Variants in CDC5L observed in about 807,000 individuals in gnomAD.
CDC5L encodes the protein cell division cycle 5-like protein.
A neutral mutation model predicts 104.1 loss-of-function variants in CDC5L; 18 were observed. The ratio of observed to expected loss-of-function variants is 0.17; its 90% CI spans 0.12 to 0.26. The LOEUF (loss-of-function observed/expected upper bound fraction) is 0.26, where lower values mean the gene tolerates loss of function less well. Ranked by LOEUF, CDC5L falls within the 10% of genes least tolerant of loss-of-function variation. The probability of loss-of-function intolerance (pLI) is 1.00; values close to 1 mark genes in which losing one functional copy is unlikely to be tolerated. For missense variants in CDC5L, 673 were observed against 956.9 expected (o/e 0.70, Z 3.91); for synonymous variants, 331 against 322.7 (o/e 1.03, Z -0.28).
chr6:44,425,808 T>C (rs973159592), intron 11 of CDC5L, among the ~76,000 whole-genome samples: 1 of 151,932 alleles, frequency 6.6e-6, no homozygotes, highest in Non-Finnish European at 1.5e-5. Context: ...CGTGGGAGTC[T>C]CTTTGGAGTT....
intron 8 of CDC5L, among the ~76,000 whole-genome samples, chr6:44,415,264 C>T (rs569509169): frequency 8.1e-4 from 124 of 152,178 alleles, no homozygotes; most frequent in South Asian, 2.5e-3. Flanking sequence ...TAACTGGGAG[C>T]GTAGTAGTTA....
In CDC5L at chr6:44,398,731, G is replaced by A. The variant is rs371521862; in HGVS notation, c.539+2291G>A. Among the ~76,000 whole-genome samples, 7 of 152,254 alleles carry A rather than the reference G, an allele frequency of 4.6e-5. No individual in the cohort carries two copies. The East Asian group carries it at 9.6e-4, about 21-fold the overall frequency. On this transcript the variant is annotated intron_variant, in intron 5 of 15. Transcript: ENST00000371477. ...CATTATTGTGTAAAGGTTTTCTAATGTGGATTGAAGTCCTTATTTCCATTA... is the reference window on the plus strand; with the variant it reads ...CATTATTGTGTAAAGGTTTTCTAATATGGATTGAAGTCCTTATTTCCATTA...
At chr6:44,403,763 T>G (rs1297045828) in intron 5 of CDC5L, 46 bp from the exon 6 acceptor site, 2 of 1,320,584 alleles carry the variant, frequency 1.5e-6, no homozygotes, top group African/African-American at 1.5e-5. Flanking sequence ...AATTTATCCC[T>G]GTCACATGGC....
At chr6:44,428,706 C>T (rs1172507199) in intron 13 of CDC5L, among the ~76,000 whole-genome samples, 1 of 152,190 alleles carries the variant, frequency 6.6e-6, no homozygotes, top group African/African-American at 2.4e-5. Flanking sequence ...GTCCAGCTTT[C>T]CCTCTCATTC....
intron 8 of CDC5L, 117 bp downstream of exon 8, chr6:44,408,749 A>G: frequency 1.7e-6 from 1 of 599,946 alleles, no homozygotes; most frequent in East Asian, 2.9e-5. Context: ...TTTGAAACTG[A>G]GTCCTGAATG....
chr6:44,430,502 C>G (rs1561978169), intron 14 of CDC5L, among the ~76,000 whole-genome samples: 1 of 149,434 alleles, frequency 6.7e-6, no homozygotes, highest in East Asian at 2.0e-4. Flanking sequence ...ATTTTGAATT[C>G]CAGAATCTGT....
Position 44,426,627 on chromosome 6 carries a change from A to G in CDC5L, c.1796A>G (p.Lys599Arg). The change falls in exon 13 of 16, where the codon AAA becomes AGA. Residue 599 changes from lysine (K) to arginine (R), a missense_variant. Around this residue, in one of 4 missense-constraint regions of CDC5L, gnomAD observed 578 missense variants for 737.0 expected, o/e 0.78. Transcript: ENST00000371477. ...HHPYEPSGNK[K>R]GKTVGFGTNN... Reference sequence around the variant, plus strand: ...CCTTATGAACCATCTGGAAATAAAAAAGGCAAAACTGTAGGGTTTGGTACC... The same window carrying G: ...CCTTATGAACCATCTGGAAATAAAAGAGGCAAAACTGTAGGGTTTGGTACC... The G allele has an allele frequency of 6.2e-7, 1 of 1,613,638 alleles. No individual in the cohort carries two copies. The highest frequency in any genetic ancestry group is 8.5e-7 in the Non-Finnish European group (1 of 1,179,720).
intron 15 of CDC5L, among the ~76,000 whole-genome samples, chr6:44,446,399 A>G (rs914642207): frequency 1.3e-5 from 2 of 152,350 alleles, no homozygotes; most frequent in South Asian, 4.1e-4. Context: ...TATTTGAAGT[A>G]GCAGCAGGAT....
At chr6:44,413,198 A>G (rs1791734674) in intron 8 of CDC5L, among the ~76,000 whole-genome samples, 1 of 152,182 alleles carries the variant, frequency 6.6e-6, no homozygotes, top group Non-Finnish European at 1.5e-5. Flanking sequence ...TTGTGTCTCT[A>G]TAGAGTTCCC....
chr6:44,396,523 GGT>G, intron 5 of CDC5L, 83 bp downstream of exon 5: 1 of 804,900 alleles, frequency 1.2e-6, no homozygotes, highest in Non-Finnish European at 2.0e-6. Context: ...CCAGATATGT[GGT>G]TTTTTTTTTT....
At chr6:44,400,832 A>G (rs1272591337) in intron 5 of CDC5L, among the ~76,000 whole-genome samples, 1 of 152,176 alleles carries the variant, frequency 6.6e-6, no homozygotes, top group Admixed American at 6.6e-5. Context: ...AGTTTCACTG[A>G]TTGCCAGCTG....
intron 1 of CDC5L, among the ~76,000 whole-genome samples, chr6:44,389,701 A>G (rs1425776597): frequency 6.6e-6 from 1 of 152,030 alleles, no homozygotes; most frequent in Non-Finnish European, 1.5e-5. Flanking sequence ...AAGGGGCTGG[A>G]GGGGAAATGC....
At position 44,408,912 on chromosome 6, in the gene CDC5L, T is replaced by A. The variant is rs368946598; in HGVS notation, c.1092+280T>A. ...TACCTGTCAGTAAAGCATAGTTTTG[T>A]AAAATTTCACATTGCCTGCCAATCC... On this transcript the variant is annotated intron_variant, in intron 8 of 15. Transcript: ENST00000371477. Among the ~76,000 whole-genome samples the A allele has an allele frequency of 9.9e-3, 1,513 of 152,316 alleles. 11 individuals are homozygous for A. Among genetic ancestry groups the A allele is most frequent in the Middle Eastern group, 0.031 (9 of 294 alleles).
rs778005707 is a variant in CDC5L, at chr6:44,404,021, T to C, written c.752T>C (p.Leu251Pro). ...AGACAACAGGATCTTGATGGGGAGCTAAGATCGTAAGTTGCCTTTCTGATT... is the reference window on the plus strand; with the variant it reads ...AGACAACAGGATCTTGATGGGGAGCCAAGATCGTAAGTTGCCTTTCTGATT... ...KLRQQDLDGE[L>P]RSEKEGRDRK... is the part of the protein sequence containing the mutation. Residue 251 changes from leucine to proline, a missense_variant, in exon 6 of 16, where the codon CTA (leucine) becomes CCA (proline). Physicochemically the swap from Leu to Pro is moderately conservative, Grantham distance 98 (BLOSUM62 -3). This residue lies in a region of CDC5L where 578 missense variants were observed against 737.0 expected (regional missense o/e 0.78). Transcript: ENST00000371477. 2.5e-6 allele frequency: 4 copies of C among 1,603,146 alleles called. No individual in the cohort carries two copies. In the South Asian group the frequency reaches 3.4e-5, roughly 14 times the overall value.
rs778098606 is a variant in CDC5L at position 44,446,636 on chromosome 6, A to G, written c.2334A>G (p.Gln778=). The part of the protein sequence containing the change: ...ECLKEDVQRQ[Q]EREKELQHRY... The stretch of plus-strand genomic sequence containing the variant: ...TAAAAGAAGACGTTCAGCGACAACA[A>G]GAAAGAGAAAAGGAACTTCAACATA... The change falls in exon 16 of 16, where the codon CAA becomes CAG. Residue 778 remains glutamine (Q), a synonymous_variant. Coordinates refer to ENST00000371477, the MANE Select transcript of CDC5L (RefSeq NM_001253.4). The G allele has an allele frequency of 1.3e-6, 2 of 1,590,614 alleles. No homozygotes were observed. The highest frequency in any genetic ancestry group is 1.4e-5 in the African/African-American group (1 of 73,772).
At chr6:44,438,665 CTTTTTTTTTTT>C (rs749816182) in intron 14 of CDC5L, among the ~76,000 whole-genome samples, 1 of 106,286 alleles carries the variant, frequency 9.4e-6, no homozygotes, top group African/African-American at 3.4e-5. Context: ...GAAGTTTTGT[CTTTTTTTTTTT>C]TTTTTTTTTT....
intron 6 of CDC5L, among the ~76,000 whole-genome samples, chr6:44,404,721 G>T (rs190448061): frequency 1.8e-4 from 27 of 151,996 alleles, no homozygotes; most frequent in Admixed American, 1.6e-3. Context: ...TTAAGACAAG[G>T]TCTCACTCTT....
intron 4 of CDC5L, among the ~76,000 whole-genome samples, chr6:44,394,086 G>A (rs1376909257): frequency 1.3e-5 from 2 of 152,262 alleles, no homozygotes; most frequent in East Asian, 3.9e-4. Flanking sequence ...CTTCAATTCA[G>A]TTAATTAAGT....
intron 11 of CDC5L, 29 bp downstream of exon 11, chr6:44,424,612 GT>G: frequency 6.2e-7 from 1 of 1,610,674 alleles, no homozygotes; most frequent in Non-Finnish European, 8.5e-7. Flanking sequence ...AGAAGCGTGA[GT>G]TTGGCTGAAT....
Sources: gnomAD v4.1 joint callset for allele counts (sites outside exome capture counted in the v4.1 genomes callset) on GRCh38, gnomAD v4.1.1 for gene constraint, gnomAD v4.1.1 regional missense constraint, MANE v1.5 for transcripts, NCBI Gene and HGNC (gene_info 2026-07-23, HGNC 2026-07-21) for gene names.